Variants in QARS1 observed in about 807,000 individuals in gnomAD.
QARS1 encodes the protein glutamine--tRNA ligase.
A neutral mutation model predicts 106.9 loss-of-function variants in QARS1; 79 were observed. That is an observed-to-expected ratio of 0.74 (90% CI 0.62 to 0.89). The LOEUF is 0.89. Among genes scored for constraint, QARS1 ranks in the 40% least tolerant of loss-of-function variants. QARS1 has a pLI of 0.00. For synonymous variants in QARS1, 395 were observed against 367.7 expected (o/e 1.07, Z -0.85); for missense variants, 966 against 997.2 (o/e 0.97, Z 0.42).
intron 7 of QARS1, 94 bp downstream of exon 7, chr3:49,102,111 T>G: frequency 6.6e-7 from 1 of 1,518,530 alleles, no homozygotes; most frequent in Admixed American, 1.7e-5. Context: ...GGGTACTGAG[T>G]AAGCCAAGGG....
Position 49,099,584 on chromosome 3 carries a change from A to G in QARS1, c.1452T>C (p.Tyr484=), listed in dbSNP as rs762645121. The G allele has an allele frequency of 8.7e-6, 14 of 1,614,086 alleles. No individual in the cohort carries two copies. The Admixed American group carries it at 2.2e-4, about 25-fold the overall frequency. The change falls in exon 16 of 24, where the codon TAT becomes TAC. Residue 484 remains tyrosine (Y), a synonymous_variant. Coordinates refer to ENST00000306125, the MANE Select transcript of QARS1 (RefSeq NM_005051.3). ...CAGCATAGTGCAGGTTGAGGCGGCC[A>G]TACTCCCACTGCACAGGGCAATAGA... The part of the protein sequence containing the change: ...LDVYCPVQWE[Y]GRLNLHYAVV...
rs2042448418 is a variant in QARS1 at position 49,100,080 on chromosome 3, C to T, written c.1176G>A (p.Lys392=). ...TGGCCTCGCCCTCTGAAAACTTGCCCTTGCGCATTGCCTGAGGGGAACAAG... is the reference window on the plus strand; with the variant it reads ...TGGCCTCGCCCTCTGAAAACTTGCCTTTGCGCATTGCCTGAGGGGAACAAG... ...ESLLLFEAMR[K]GKFSEGEATL... is the part of the protein sequence containing the mutation. The change falls in exon 14 of 24, where the codon AAG becomes AAA. Residue 392 remains lysine, a synonymous_variant. Coordinates refer to ENST00000306125, the MANE Select transcript of QARS1 (RefSeq NM_005051.3). 4 of 1,614,124 alleles carry T rather than the reference C, an allele frequency of 2.5e-6. No individual in the cohort carries two copies. The highest frequency in any genetic ancestry group is 2.2e-5 in the South Asian group (2 of 91,092).
rs755674457 is a variant in QARS1, at chr3:49,099,762, G to A, written c.1387C>T (p.Arg463Ter). The A allele has an allele frequency of 2.7e-5, 43 of 1,613,828 alleles. No individual in the cohort carries two copies. The highest frequency in any genetic ancestry group is 3.3e-5 in the Admixed American group (2 of 59,992). ...ACCCCATGGACCCAGCTCCCTCACC[G>A]GGCCTGGAATTCCTTGGTGCAGAGT... ...HSLCTKEFQARRSSYFWLCNA... is the reference protein window; with the variant it reads ...HSLCTKEFQA The change falls in exon 15 of 24, where the codon CGA becomes TGA. Residue 463 changes from arginine (R) to a stop codon, truncating the protein, a stop_gained and splice_region_variant. Transcript: ENST00000306125. LOFTEE classifies it high-confidence loss of function.
At chr3:49,103,476 G>C in intron 4 of QARS1, 67 bp from the exon 5 acceptor site, 1 of 1,601,794 alleles carries the variant, frequency 6.2e-7, no homozygotes, top group Non-Finnish European at 8.6e-7. Context: ...TCTTTCCCAA[G>C]GAAAGGTCCT....
intron 10 of QARS1, 104 bp from the exon 11 acceptor site, chr3:49,100,778 CTT>C: frequency 9.6e-7 from 1 of 1,039,430 alleles, no homozygotes; most frequent in Admixed American, 1.9e-5. Flanking sequence ...TCAGAATTTT[CTT>C]TTTTTTTGAG....
At chr3:49,097,352 C>T (rs1315345667) in intron 23 of QARS1, 2 of 151,840 alleles carry the variant, frequency 1.3e-5, no homozygotes, top group African/African-American at 2.4e-5. Context: ...TAATATCTTT[C>T]GGGTGTTTCA....
At position 49,103,988 on chromosome 3, in the gene QARS1, CCGTGAGTTTGTGG is replaced by C; in HGVS notation, c.266-29_266-17del. 1 of 1,603,804 alleles carries C rather than the reference CCGTGAGTTTGTGG, an allele frequency of 6.2e-7. No individual in the cohort carries two copies. Among genetic ancestry groups the C allele is most frequent in the Non-Finnish European group, 8.5e-7 (1 of 1,171,892 alleles). On this transcript the variant is annotated splice_polypyrimidine_tract_variant and intron_variant, in intron 2 of 23. Coordinates refer to ENST00000306125, the MANE Select transcript of QARS1 (RefSeq NM_005051.3). ...TCAAGGGCAGCTGAGAAGAAAGAGC[CCGTGAGTTTGTGG>C]CATCTCTGCTCCAAGAAGTGGACAG...
rs1559965636 is a variant in QARS1, at chr3:49,098,002, T to C, written c.2267A>G (p.His756Arg). ...LGYFSVDPDSHQGKLVFNRTV... is the reference protein window; with the variant it reads ...LGYFSVDPDSRQGKLVFNRTV... ...AGTAAAGTCAAGCACCTTTCCCTGA[T>C]GGCTGTCTGGATCCACGGAGAAATA... is the stretch of plus-strand genomic sequence containing the variant. Residue 756 changes from histidine (H) to arginine (R), a missense_variant, in exon 23 of 24, where the codon CAT becomes CGT. Physicochemically the swap from His to Arg is conservative, Grantham distance 29. Coordinates refer to ENST00000306125, the MANE Select transcript of QARS1 (RefSeq NM_005051.3). The C allele has an allele frequency of 6.2e-7, 1 of 1,614,200 alleles. No homozygotes were observed. Among genetic ancestry groups the C allele is most frequent in the East Asian group, 2.2e-5 (1 of 44,876 alleles).
chr3:49,096,991 A>AG (rs1473798374), intron 23 of QARS1: 13 of 149,412 alleles, frequency 8.7e-5, no homozygotes, highest in African/African-American at 3.2e-4. Context: ...TTTCAAAAAA[A>AG]GAAAAAAAAA....
intron 20 of QARS1, 35 bp from the exon 21 acceptor site, chr3:49,098,515 CG>C (rs2042422454): frequency 1.9e-6 from 3 of 1,613,622 alleles, no homozygotes; most frequent in Admixed American, 1.7e-5. Flanking sequence ...CAATTAGACC[CG>C]GGAACCACAA....
chr3:49,096,798 C>CA (rs770587253), intron 23 of QARS1, among the ~76,000 whole-genome samples: 241 of 14,146 alleles, frequency 0.017, 68 homozygotes, highest in African/African-American at 0.042. Flanking sequence ...GACTCCGTCT[C>CA]AAAAAAAAAA....
In QARS1 at chr3:49,098,679, C is replaced by T; in HGVS notation, c.1877G>A (p.Gly626Glu). 1 of 1,600,772 alleles carries T rather than the reference C, an allele frequency of 6.2e-7. No homozygotes were observed. Residue 626 changes from glycine (G) to glutamate (E), a missense_variant, in exon 20 of 24, where the codon GGA becomes GAA. Physicochemically the swap from Gly to Glu is moderately conservative, Grantham distance 98. Transcript: ENST00000306125. ...RTDFKEEPEP[G>E]FKRLAWGQPV... ...CTGGCCCCAAGCCAGGCGCTTAAAT[C>T]CTGGCTCTGGCTCCTAGAGATAGGA...
At chr3:49,103,451 A>G in intron 4 of QARS1, 42 bp from the exon 5 acceptor site, 1 of 1,611,118 alleles carries the variant, frequency 6.2e-7, no homozygotes, top group Non-Finnish European at 8.5e-7. Context: ...GGCAAAAAAG[A>G]GTACTCCCCC....
In QARS1 at chr3:49,104,630, T is replaced by C. The variant is rs2042516106; in HGVS notation, c.104A>G (p.Glu35Gly). Residue 35 changes from glutamate (E) to glycine (G), a missense_variant, in exon 1 of 24, where the codon GAG becomes GGG. Physicochemically the swap from Glu to Gly is moderately conservative, Grantham distance 98. Transcript: ENST00000306125. ...KNSALSAQLR[E>G]AATQAQQTLG... ...AGGGGCTCGCACCTGAGTAGCGGCC[T>C]CGCGCAGCTGCGCGCTCAGAGCCGA... is the stretch of plus-strand genomic sequence containing the variant. 2 of 1,604,780 alleles carry C rather than the reference T, an allele frequency of 1.2e-6. No homozygotes were observed. Among genetic ancestry groups the C allele is most frequent in the Admixed American group, 1.7e-5 (1 of 59,702 alleles).
intron 8 of QARS1, 57 bp downstream of exon 8, chr3:49,101,771 C>T (rs1257306716): frequency 8.7e-6 from 14 of 1,608,846 alleles, no homozygotes; most frequent in Middle Eastern, 3.3e-4. Context: ...AGGGGCCTGA[C>T]TATAGGAGCT....
intron 23 of QARS1, among the ~76,000 whole-genome samples, chr3:49,096,641 A>G (rs2042394417): frequency 1.3e-5 from 2 of 151,774 alleles, no homozygotes; most frequent in South Asian, 4.2e-4. Context: ...CTACTAAAAA[A>G]TAGAAAAAAT....
At chr3:49,096,122 G>C in intron 23 of QARS1, 43 bp from the exon 24 acceptor site, 1 of 1,605,990 alleles carries the variant, frequency 6.2e-7, no homozygotes, top group Non-Finnish European at 8.5e-7. Context: ...CCCAGAACAA[G>C]GCCAGGGAGG....
intron 10 of QARS1, 177 bp from the exon 11 acceptor site, chr3:49,100,851 T>C: frequency 1.4e-6 from 1 of 698,260 alleles, no homozygotes; most frequent in South Asian, 1.5e-5. Flanking sequence ...CCTGGGTTTC[T>C]CCTGCCTCAG....
rs532922380 is a variant in QARS1 at position 49,098,078 on chromosome 3, A to G, written c.2191T>C (p.Ser731Pro). The G allele has an allele frequency of 1.9e-6, 3 of 1,614,196 alleles. No homozygotes were observed. The highest frequency in any genetic ancestry group is 2.2e-5 in the South Asian group (2 of 91,084). The change falls in exon 23 of 24, where the codon TCT (serine) becomes CCT (proline). Residue 731 changes from serine to proline, a missense_variant. Physicochemically the swap from Ser to Pro is moderately conservative, Grantham distance 74. Coordinates refer to ENST00000306125, the MANE Select transcript of QARS1 (RefSeq NM_005051.3). ...TCGAAGGGTTTTGCCAGGGCCACAG[A>G]GCAGTCCACTAATGCTGCATCCACC... Reference protein sequence around the residue: ...HVVDAALVDCSVALAKPFDKF... With the variant: ...HVVDAALVDCPVALAKPFDKF...
Sources: gnomAD v4.1 joint callset for allele counts (sites outside exome capture counted in the v4.1 genomes callset) on GRCh38, gnomAD v4.1.1 for gene constraint, MANE v1.5 for transcripts, NCBI Gene and HGNC (gene_info 2026-07-23, HGNC 2026-07-21) for gene names.